DNAJB14: variants seen among roughly 807,000 people sequenced by gnomAD.
DNAJB14 encodes the protein dnaJ homolog subfamily B member 14.
A neutral mutation model predicts 48.4 loss-of-function variants in DNAJB14; 22 were observed. That is an observed-to-expected ratio of 0.45 (90% CI 0.32 to 0.65). DNAJB14 has a LOEUF of 0.65. Ranked by LOEUF, DNAJB14 falls within the 30% of genes least tolerant of loss-of-function variation. DNAJB14 has a pLI of 0.03. For missense variants in DNAJB14, 319 were observed against 458.8 expected (o/e 0.70, Z 2.78); for synonymous variants, 142 against 158.7 (o/e 0.89, Z 0.79).
rs1172502471 is a variant in DNAJB14, at chr4:99,897,108, A to T, written c.*3920T>A. On this transcript the variant is annotated 3_prime_UTR_variant, in exon 8 of 8. Coordinates refer to ENST00000442697, the MANE Select transcript of DNAJB14 (RefSeq NM_001031723.4). ...TTCAAAGTCAGACATAAAAATATCCACTGCTAATGGAAGCCCTGCTCTGTG... is the reference window on the plus strand; with the variant it reads ...TTCAAAGTCAGACATAAAAATATCCTCTGCTAATGGAAGCCCTGCTCTGTG... 1.3e-5 allele frequency: 2 copies of T among 151,762 alleles called. No homozygotes were observed. Among genetic ancestry groups the T allele is most frequent in the Admixed American group, 1.3e-4 (2 of 15,250 alleles). The allele number at this position is 151,762 out of a possible 1,614,324, so 9.4% of individuals were successfully genotyped here. A position where few individuals can be genotyped will look rare whatever the true frequency, so the allele number is the denominator to read the frequency against.
intron 3 of DNAJB14, among the ~76,000 whole-genome samples, chr4:99,914,801 G>A (rs1272852003): frequency 1.3e-5 from 2 of 152,048 alleles, no homozygotes; most frequent in East Asian, 1.9e-4. Context: ...CATCTAACTT[G>A]TAAACTTATG....
intron 1 of DNAJB14, among the ~76,000 whole-genome samples, chr4:99,937,161 C>A (rs1206343129): frequency 6.6e-6 from 1 of 151,928 alleles, no homozygotes; most frequent in African/African-American, 2.4e-5. Context: ...CTAAAAAATA[C>A]AAAAAATTAG....
chr4:99,926,360 C>T (rs145518862), intron 2 of DNAJB14: 61 of 152,120 alleles, frequency 4.0e-4, no homozygotes, highest in African/African-American at 1.3e-3. Context: ...TAAAAAGTCA[C>T]GTTCAGATCA....
chr4:99,906,458 TC>T, intron 5 of DNAJB14, 58 bp downstream of exon 5: 1 of 1,509,208 alleles, frequency 6.6e-7, no homozygotes. Flanking sequence ...TTCAGACAAC[TC>T]TAATTACTTT....
chr4:99,903,692 A>G (rs1182432356), intron 7 of DNAJB14, 34 bp downstream of exon 7: 2 of 1,583,512 alleles, frequency 1.3e-6, no homozygotes, highest in East Asian at 4.5e-5. Context: ...GACTGCGAAT[A>G]AGTTTTAAAA....
At chr4:99,936,946 A>G (rs1171505712) in intron 1 of DNAJB14, among the ~76,000 whole-genome samples, 1 of 152,264 alleles carries the variant, frequency 6.6e-6, no homozygotes, top group Non-Finnish European at 1.5e-5. Context: ...AGAGACAGTG[A>G]AAGTTTGTTG....
intron 1 of DNAJB14, chr4:99,942,641 G>A (rs1052902377): frequency 2.0e-5 from 3 of 151,994 alleles, no homozygotes; most frequent in African/African-American, 4.8e-5. Flanking sequence ...AACATGGAAA[G>A]AAACAATATC....
intron 1 of DNAJB14, among the ~76,000 whole-genome samples, chr4:99,935,699 T>C (rs1458441165): frequency 2.5e-5 from 3 of 118,036 alleles, no homozygotes; most frequent in Non-Finnish European, 5.1e-5. Flanking sequence ...GCTTCTTCCT[T>C]TCCCTTCTTT....
At position 99,942,606 on chromosome 4, in the gene DNAJB14, C is replaced by T. The variant is rs564194294; in HGVS notation, c.133+3833G>A. 6.4e-4 allele frequency: 97 copies of T among 152,106 alleles called. 1 individual carries two copies. Among genetic ancestry groups the T allele is most frequent in the South Asian group, 1.2e-3 (6 of 4,820 alleles). 9.4% of individuals were successfully genotyped at this position (152,106 alleles called of 1,614,324 possible). On this transcript the variant is annotated intron_variant, in intron 1 of 7. Transcript: ENST00000442697. Reference sequence around the variant, plus strand: ...TTAGAAGTCCACTGCAATAAGTAAACTGTAAAATAATATTCTCAACTAAAA... The same window carrying T: ...TTAGAAGTCCACTGCAATAAGTAAATTGTAAAATAATATTCTCAACTAAAA...
chr4:99,924,261 A>G (rs1341489538), intron 2 of DNAJB14: 3 of 152,808 alleles, frequency 2.0e-5, no homozygotes, highest in African/African-American at 7.2e-5. Flanking sequence ...TGGCAGCAAA[A>G]GAACTGCAAA....
intron 2 of DNAJB14, chr4:99,924,732 A>G: frequency 6.2e-7 from 1 of 1,610,782 alleles, no homozygotes; most frequent in Non-Finnish European, 8.5e-7. Flanking sequence ...GAAAAAAAGG[A>G]AATGGGGGGC....
chr4:99,920,938 A>G (rs1305299432), intron 3 of DNAJB14, among the ~76,000 whole-genome samples: 4 of 152,228 alleles, frequency 2.6e-5, no homozygotes, highest in East Asian at 3.8e-4. Flanking sequence ...GTCTTTGCTC[A>G]GAGATAAATG....
intron 3 of DNAJB14, among the ~76,000 whole-genome samples, chr4:99,915,376 A>G (rs1232020397): frequency 2.0e-5 from 3 of 152,114 alleles, no homozygotes; most frequent in Non-Finnish European, 1.5e-5. Flanking sequence ...TGACCTTGCG[A>G]TCCACCCACC....
At chr4:99,914,299 G>A (rs1258322132) in intron 3 of DNAJB14, among the ~76,000 whole-genome samples, 1 of 152,120 alleles carries the variant, frequency 6.6e-6, no homozygotes, top group Non-Finnish European at 1.5e-5. Context: ...TATACACCAT[G>A]GAATACTATG....
intron 1 of DNAJB14, among the ~76,000 whole-genome samples, chr4:99,940,455 C>T (rs1021448148): frequency 3.9e-5 from 6 of 151,914 alleles, no homozygotes; most frequent in Admixed American, 6.6e-5. Flanking sequence ...AAGCTGGTGT[C>T]GTGACACACG....
At chr4:99,906,675 T>TGA in intron 4 of DNAJB14, 64 bp from the exon 5 acceptor site, 1 of 1,336,476 alleles carries the variant, frequency 7.5e-7, no homozygotes, top group Non-Finnish European at 1.0e-6. Flanking sequence ...ATACATTTTC[T>TGA]TTCACATTTT....
Position 99,903,913 on chromosome 4 carries a change from C to A in DNAJB14, c.843-15G>T. The A allele has an allele frequency of 6.2e-7, 1 of 1,602,322 alleles. No individual in the cohort carries two copies. Among genetic ancestry groups the A allele is most frequent in the Non-Finnish European group, 8.5e-7 (1 of 1,176,046 alleles). On this transcript the variant is annotated splice_polypyrimidine_tract_variant and intron_variant, in intron 6 of 7. Coordinates refer to ENST00000442697, the MANE Select transcript of DNAJB14 (RefSeq NM_001031723.4). ...GCCCAGTTCCACTGTAAAAGAGATG[C>A]ATCATTATTTTAATTAAAATTGGAC...
At chr4:99,915,532 C>T (rs1389102736) in intron 3 of DNAJB14, among the ~76,000 whole-genome samples, 4 of 152,178 alleles carry the variant, frequency 2.6e-5, no homozygotes, top group Admixed American at 1.3e-4. Flanking sequence ...AAGGACTGGA[C>T]GTTTTCCTAT....
chr4:99,932,152 T>C (rs1400385770), intron 1 of DNAJB14, among the ~76,000 whole-genome samples: 1 of 151,804 alleles, frequency 6.6e-6, no homozygotes, highest in African/African-American at 2.4e-5. Flanking sequence ...GTAAATGTGA[T>C]AAAAGGAAAA....
Sources: allele counts gnomAD v4.1 joint callset (sites outside exome capture counted in the v4.1 genomes callset), GRCh38; gene constraint gnomAD v4.1.1; transcripts MANE v1.5; gene names NCBI Gene and HGNC (gene_info 2026-07-23, HGNC 2026-07-21).